Variants in FRK observed in about 807,000 individuals in gnomAD.
FRK encodes the protein fyn related Src family tyrosine kinase.
FRK carries 51 observed loss-of-function variants against 56.4 expected under a neutral mutation model. The observed-to-expected ratio is 0.90, with a 90% CI of 0.72 to 1.14. FRK has a LOEUF of 1.14. Among genes scored for constraint, FRK ranks in the 50% most tolerant of loss-of-function variants. The probability of loss-of-function intolerance (pLI) is 0.00; values close to 1 mark genes in which losing one functional copy is unlikely to be tolerated. For synonymous variants in FRK, 245 were observed against 217.9 expected, an observed-to-expected ratio of 1.12 and a Z score of -1.10; for missense variants, 570 against 601.4, an observed-to-expected ratio of 0.95 and a Z score of 0.55.
At chr6:116,062,022 G>A (rs1009692290), upstream of FRK, among the ~76,000 whole-genome samples, 19 of 145,772 alleles carry the variant, frequency 1.3e-4, no homozygotes, top group African/African-American at 5.1e-4. Context: ...AAGAAAGAAA[G>A]AAAAGAAAAG....
intron 2 of FRK, among the ~76,000 whole-genome samples, chr6:116,003,018 A>G (rs1357492887): frequency 2.0e-5 from 3 of 152,238 alleles, no homozygotes; most frequent in Admixed American, 1.3e-4. Context: ...GGCAGACACA[A>G]TGAGGCAAAT....
Position 115,936,641 on chromosome 6 carries a change from T to A in FRK, c.*5773A>T, listed in dbSNP as rs1387330426. 1.3e-5 allele frequency: 2 copies of A among 152,116 alleles called. No homozygotes were observed. The highest frequency in any genetic ancestry group is 2.9e-5 in the Non-Finnish European group (2 of 68,042). 9.4% of individuals were successfully genotyped at this position (152,116 alleles called of 1,614,324 possible). ...ATAGAGAAGCACATAAATGACCTGA[T>A]GGAGCTGAAAAATACAGCATGAGAA... On this transcript the variant is annotated 3_prime_UTR_variant, in exon 8 of 8. Coordinates refer to ENST00000606080, the MANE Select transcript of FRK (RefSeq NM_002031.3).
the FRK span, among the ~76,000 whole-genome samples, chr6:116,066,230 A>G: frequency 6.6e-6 from 1 of 152,136 alleles, no homozygotes; most frequent in Non-Finnish European, 1.5e-5. Context: ...GCAGAAAAAC[A>G]TGAAAAAGCG....
chr6:116,091,414 T>C, the FRK span, among the ~76,000 whole-genome samples: 1 of 152,206 alleles, frequency 6.6e-6, no homozygotes, highest in South Asian at 2.1e-4. Context: ...AGCTTTGTTC[T>C]TTCGCTCTTC....
chr6:115,940,335 G>A lies in FRK; in HGVS notation c.*2079C>T, dbSNP rs1369981141. 6.6e-6 allele frequency: 1 copy of A among 151,970 alleles called. No homozygotes were observed. Among genetic ancestry groups the A allele is most frequent in the African/African-American group, 2.4e-5 (1 of 41,336 alleles). The allele number at this position is 151,970 out of a possible 1,614,324, so 9.4% of individuals were successfully genotyped here. A position where few individuals can be genotyped will look rare whatever the true frequency, so the allele number is the denominator to read the frequency against. On this transcript the variant is annotated 3_prime_UTR_variant, in exon 8 of 8. Transcript: ENST00000606080. ...ACCTATACAAAAATTAACTCAAGAT[G>A]GATTAAAGACTTAAATGTAAGACCT...
intron 1 of FRK, among the ~76,000 whole-genome samples, chr6:116,044,704 A>G (rs529200086): frequency 3.4e-4 from 52 of 152,344 alleles, no homozygotes; most frequent in South Asian, 1.2e-3. Context: ...CACCAATCCT[A>G]TTCAACATGG....
chr6:116,027,355 T>A (rs1216694122), intron 1 of FRK, among the ~76,000 whole-genome samples: 1 of 152,180 alleles, frequency 6.6e-6, no homozygotes, highest in Non-Finnish European at 1.5e-5. Flanking sequence ...TGAATATAAG[T>A]GGCCTAAATG....
At chr6:115,973,524 G>A (rs1773883596) in intron 2 of FRK, among the ~76,000 whole-genome samples, 1 of 152,044 alleles carries the variant, frequency 6.6e-6, no homozygotes. Context: ...ATCTGCACAT[G>A]CTACACATGT....
At chr6:115,947,007 C>G (rs1476706828) in intron 5 of FRK, among the ~76,000 whole-genome samples, 2 of 151,822 alleles carry the variant, frequency 1.3e-5, no homozygotes, top group Non-Finnish European at 2.9e-5. Flanking sequence ...GTGGCAAATT[C>G]CAAAATCCTA....
intron 1 of FRK, among the ~76,000 whole-genome samples, chr6:116,039,920 G>C (rs559697039): frequency 6.7e-6 from 1 of 149,502 alleles, no homozygotes; most frequent in South Asian, 2.1e-4. Context: ...CCACCCACGT[G>C]TGAGGGAATA....
At chr6:116,002,401 G>A (rs1363525398) in intron 2 of FRK, among the ~76,000 whole-genome samples, 1 of 152,136 alleles carries the variant, frequency 6.6e-6, no homozygotes, top group African/African-American at 2.4e-5. Context: ...GGTGGATCAC[G>A]AGGCCAGGAG....
intron 2 of FRK, among the ~76,000 whole-genome samples, chr6:115,999,253 G>A (rs1249553806): frequency 6.6e-6 from 1 of 152,128 alleles, no homozygotes; most frequent in Non-Finnish European, 1.5e-5. Flanking sequence ...TAAGAGTAAG[G>A]TCACTAAAAC....
At chr6:116,019,100 C>A (rs948326164) in intron 1 of FRK, among the ~76,000 whole-genome samples, 1 of 152,116 alleles carries the variant, frequency 6.6e-6, no homozygotes, top group African/African-American at 2.4e-5. Context: ...TCAAATGAGT[C>A]TGAGCACCTT....
intron 2 of FRK, among the ~76,000 whole-genome samples, chr6:116,000,743 C>G (rs1775034099): frequency 1.3e-5 from 2 of 151,994 alleles, no homozygotes; most frequent in South Asian, 4.2e-4. Flanking sequence ...AATATATTAC[C>G]ATGAAAATAC....
intron 1 of FRK, among the ~76,000 whole-genome samples, chr6:116,015,308 C>T (rs1218797695): frequency 6.6e-6 from 1 of 152,118 alleles, no homozygotes; most frequent in African/African-American, 2.4e-5. Flanking sequence ...CTCCTGCCAC[C>T]ATGTAAGATG....
the FRK span, among the ~76,000 whole-genome samples, chr6:116,070,095 A>C: frequency 1.3e-5 from 2 of 151,794 alleles, no homozygotes; most frequent in African/African-American, 4.8e-5. Context: ...CAACTTATCT[A>C]ATTATCTCAT....
intron 4 of FRK, among the ~76,000 whole-genome samples, 199 bp from the exon 5 acceptor site, chr6:115,956,809 G>T (rs1478016356): frequency 6.6e-6 from 1 of 152,164 alleles, no homozygotes; most frequent in Non-Finnish European, 1.5e-5. Flanking sequence ...TGCATCAGGA[G>T]TATACGGTTT....
chr6:116,048,342 A>G (rs1777055002), intron 1 of FRK, among the ~76,000 whole-genome samples: 1 of 152,172 alleles, frequency 6.6e-6, no homozygotes, highest in African/African-American at 2.4e-5. Flanking sequence ...AAAAATTACC[A>G]TATGACACAT....
At chr6:115,998,501 A>T (rs1182342884) in intron 2 of FRK, among the ~76,000 whole-genome samples, 1 of 152,060 alleles carries the variant, frequency 6.6e-6, no homozygotes, top group Non-Finnish European at 1.5e-5. Context: ...CCTTCCAATC[A>T]TTCCACAAAA....
Sources: allele counts gnomAD v4.1 joint callset (sites outside exome capture counted in the v4.1 genomes callset), GRCh38; gene constraint gnomAD v4.1.1; transcripts MANE v1.5; gene names NCBI Gene and HGNC (gene_info 2026-07-23, HGNC 2026-07-21).